Variants in TMEM202 observed in about 807,000 individuals in gnomAD.
The protein encoded by TMEM202 is transmembrane protein 202.
In TMEM202, 25 loss-of-function variants were observed where a neutral mutation model predicts 26.1. That is an observed-to-expected ratio of 0.96 (90% confidence interval 0.70 to 1.34). The LOEUF is 1.34. Among genes scored for constraint, TMEM202 ranks in the 40% most tolerant of loss-of-function variants. TMEM202 has a pLI of 0.00. For synonymous variants in TMEM202, 122 were observed against 119.0 expected (o/e 1.02, Z -0.16); for missense variants, 301 against 327.7 (o/e 0.92, Z 0.63).
rs1381011038 is a variant in TMEM202, at chr15:72,408,182, G to T, written c.*289G>T. Among the ~76,000 whole-genome samples, 2 of 152,132 alleles carry T rather than the reference G, an allele frequency of 1.3e-5. No individual in the cohort carries two copies. The highest frequency in any genetic ancestry group is 1.9e-4 in the East Asian group (1 of 5,196). Reference sequence around the variant, plus strand: ...GTGTGTAGACCAGAGACCTCTTTGGGTATCAGGGATCTCATGGACCAGAAT... The same window carrying T: ...GTGTGTAGACCAGAGACCTCTTTGGTTATCAGGGATCTCATGGACCAGAAT... On this transcript the variant is annotated 3_prime_UTR_variant, in exon 5 of 5. Transcript: ENST00000341689.
At chr15:72,406,407 ATGCAG>A (rs1210942194) in intron 2 of TMEM202, among the ~76,000 whole-genome samples, 190 bp from the exon 3 acceptor site, 1 of 152,214 alleles carries the variant, frequency 6.6e-6, no homozygotes, top group Non-Finnish European at 1.5e-5. Flanking sequence ...AAATCAATGC[ATGCAG>A]AAGTATTTGT....
chr15:72,406,832 C>T, intron 3 of TMEM202, 81 bp downstream of exon 3: 2 of 1,465,450 alleles, frequency 1.4e-6, no homozygotes, highest in Non-Finnish European at 1.9e-6. Flanking sequence ...CTCTCATACT[C>T]TTTTTCTTAT....
At chr15:72,407,308 A>C in intron 4 of TMEM202, 91 bp downstream of exon 4, 1 of 1,435,546 alleles carries the variant, frequency 7.0e-7, no homozygotes, top group Non-Finnish European at 9.6e-7. Context: ...AGAAGCACTG[A>C]CTGTTCCTTT....
intron 2 of TMEM202, 129 bp from the exon 3 acceptor site, chr15:72,406,473 A>T (rs2063571909): frequency 1.5e-6 from 1 of 662,006 alleles, no homozygotes; most frequent in Non-Finnish European, 2.5e-6. Flanking sequence ...AGCAAAAAGG[A>T]TGTCATGTAG....
At chr15:72,401,788 A>C (rs2063548714) in intron 2 of TMEM202, among the ~76,000 whole-genome samples, 2 of 152,148 alleles carry the variant, frequency 1.3e-5, no homozygotes. Context: ...CATAAGTATA[A>C]ATCAAGTATC....
rs762744180 is a variant in TMEM202, at chr15:72,407,110, A to G, written c.512A>G (p.Asn171Ser). 3.1e-6 allele frequency: 5 copies of G among 1,612,550 alleles called. No homozygotes were observed. In the African/African-American group the frequency reaches 5.3e-5, roughly 17 times the overall value. The change falls in exon 4 of 5, where the codon AAC becomes AGC. Residue 171 changes from asparagine (N) to serine (S), a missense_variant. Asn to Ser is a conservative substitution (Grantham distance 46, BLOSUM62 1). Coordinates refer to ENST00000341689, the MANE Select transcript of TMEM202 (RefSeq NM_001080462.3). ...GCTACCTGCTTGCTCCTCTGCCTCA[A>G]CCTGTTTGTGGCACAGGTTCACTGG... ...ISATCLLLCL[N>S]LFVAQVHWHT...
chr15:72,404,542 C>T (rs2063562784), intron 2 of TMEM202, among the ~76,000 whole-genome samples: 1 of 152,092 alleles, frequency 6.6e-6, no homozygotes, highest in African/African-American at 2.4e-5. Flanking sequence ...ATCAAGCCAG[C>T]CAGTCACTCA....
chr15:72,407,725 A>G lies in TMEM202; in HGVS notation c.654A>G (p.Arg218=). ...IISLLNYLTS[R]SPACDENVTV... The stretch of plus-strand genomic sequence containing the variant: ...CTCTTCTCAACTACTTAACTTCCAG[A>G]TCGCCTGCCTGTGATGAAAACGTCA... The change falls in exon 5 of 5, where the codon AGA becomes AGG. Residue 218 remains arginine, a synonymous_variant. Coordinates refer to ENST00000341689, the MANE Select transcript of TMEM202 (RefSeq NM_001080462.3). 1 of 1,613,950 alleles carries G rather than the reference A, an allele frequency of 6.2e-7. No individual in the cohort carries two copies. Among genetic ancestry groups the G allele is most frequent in the Non-Finnish European group, 8.5e-7 (1 of 1,179,886 alleles).
In TMEM202 at chr15:72,408,104, A is replaced by G. The variant is rs1374566056; in HGVS notation, c.*211A>G. On this transcript the variant is annotated 3_prime_UTR_variant, in exon 5 of 5. Transcript: ENST00000341689. ...ACTCACTTAAGAAAAACATTTCTAAAAGAAAACAACAATGTTTAGAGTCAT... is the reference window on the plus strand; with the variant it reads ...ACTCACTTAAGAAAAACATTTCTAAGAGAAAACAACAATGTTTAGAGTCAT... The G allele has an allele frequency of 2.8e-5, 15 of 536,776 alleles. No homozygotes were observed. Among genetic ancestry groups the G allele is most frequent in the Non-Finnish European group, 4.6e-5 (14 of 302,494 alleles). The allele number at this position is 536,776 out of a possible 1,614,324, so 33.3% of individuals were successfully genotyped here. A position where few individuals can be genotyped will look rare whatever the true frequency, so the allele number is the denominator to read the frequency against.
intron 2 of TMEM202, among the ~76,000 whole-genome samples, chr15:72,402,343 C>T (rs1202786106): frequency 2.0e-5 from 3 of 152,184 alleles, no homozygotes; most frequent in Admixed American, 6.5e-5. Flanking sequence ...GCAAGAATTT[C>T]GTTCCCCTCC....
intron 2 of TMEM202, among the ~76,000 whole-genome samples, chr15:72,404,572 G>A (rs1020017675): frequency 2.0e-5 from 3 of 152,060 alleles, no homozygotes; most frequent in Non-Finnish European, 4.4e-5. Context: ...CAGTCACTTT[G>A]TCATTCAGCT....
intron 2 of TMEM202, among the ~76,000 whole-genome samples, chr15:72,401,505 T>C (rs2063547548): frequency 6.6e-6 from 1 of 152,186 alleles, no homozygotes; most frequent in Non-Finnish European, 1.5e-5. Flanking sequence ...ATTGAGCTAC[T>C]GTACTCTAGC....
intron 2 of TMEM202, among the ~76,000 whole-genome samples, chr15:72,405,187 C>G (rs532315075): frequency 6.6e-6 from 1 of 152,208 alleles, no homozygotes; most frequent in Non-Finnish European, 1.5e-5. Flanking sequence ...AGAAGCTGGA[C>G]TTGGATTCTT....
chr15:72,399,317 TA>T (rs976347531), intron 2 of TMEM202, among the ~76,000 whole-genome samples: 4 of 152,164 alleles, frequency 2.6e-5, no homozygotes, highest in African/African-American at 9.7e-5. Flanking sequence ...TTAATTTTTT[TA>T]AATTTTTTTT....
intron 3 of TMEM202, 65 bp from the exon 4 acceptor site, chr15:72,407,020 TG>T: frequency 6.3e-7 from 1 of 1,592,182 alleles, no homozygotes; most frequent in Non-Finnish European, 8.5e-7. Flanking sequence ...GCCAAAGAGC[TG>T]GGGGTGGCGG....
Position 72,407,222 on chromosome 15 carries a change from G to A in TMEM202, c.619+5G>A, listed in dbSNP as rs2063576600. The A allele has an allele frequency of 6.2e-7, 1 of 1,613,340 alleles. No homozygotes were observed. The highest frequency in any genetic ancestry group is 8.5e-7 in the Non-Finnish European group (1 of 1,179,552). On this transcript the variant is annotated splice_donor_5th_base_variant and intron_variant, in intron 4 of 4. Transcript: ENST00000341689. ...ACATCTTTTACATGTTTGCTGGTGA[G>A]TCACTTCCCTGCTCTATGCTAGAAG...
intron 1 of TMEM202, 97 bp downstream of exon 1, chr15:72,398,504 G>A: frequency 7.1e-7 from 1 of 1,407,008 alleles, no homozygotes; most frequent in Non-Finnish European, 9.6e-7. Context: ...AGATCACCCT[G>A]AAAATTGTGG....
rs143780703 is a variant in TMEM202, at chr15:72,407,727, C to T, written c.656C>T (p.Ser219Leu). The change falls in exon 5 of 5, where the codon TCG (serine) becomes TTG (leucine). Residue 219 changes from serine (S) to leucine (L), a missense_variant. Physicochemically the swap from Ser to Leu is moderately radical, Grantham distance 145. Coordinates refer to ENST00000341689, the MANE Select transcript of TMEM202 (RefSeq NM_001080462.3). The stretch of plus-strand genomic sequence containing the variant: ...CTTCTCAACTACTTAACTTCCAGAT[C>T]GCCTGCCTGTGATGAAAACGTCACT... Reference protein sequence around the residue: ...ISLLNYLTSRSPACDENVTVI... With the variant: ...ISLLNYLTSRLPACDENVTVI... 5.6e-6 allele frequency: 9 copies of T among 1,613,930 alleles called. No homozygotes were observed. Among genetic ancestry groups the T allele is most frequent in the East Asian group, 4.5e-5 (2 of 44,854 alleles).
At chr15:72,398,985 G>A (rs1567314707) in intron 2 of TMEM202, 77 bp downstream of exon 2, 15 of 1,526,288 alleles carry the variant, frequency 9.8e-6, no homozygotes, top group Non-Finnish European at 1.3e-5. Flanking sequence ...GGCCCTTCAT[G>A]TTTCTTCCTC....
Sources: allele counts gnomAD v4.1 joint callset (sites outside exome capture counted in the v4.1 genomes callset), GRCh38; gene constraint gnomAD v4.1.1; transcripts MANE v1.5; gene names NCBI Gene and HGNC (gene_info 2026-07-23, HGNC 2026-07-21).